The following PIGG variants were observed in gnomAD, a reference collection of about 807,000 sequenced individuals.
PIGG encodes the protein phosphatidylinositol glycan anchor biosynthesis class G (EMM blood group).
In PIGG, 70 loss-of-function variants were observed where a neutral mutation model predicts 83.2. The ratio of observed to expected loss-of-function variants is 0.84; its 90% CI spans 0.69 to 1.03. PIGG has a LOEUF of 1.03. Among genes scored for constraint, PIGG ranks in the 50% least tolerant of loss-of-function variants. The pLI is 0.00. For missense variants in PIGG, 1,257 were observed against 1,233.6 expected (o/e 1.02, Z -0.28); for synonymous variants, 532 against 519.5 (o/e 1.02, Z -0.33).
At chr4:517,007 G>A (rs1364685483) in intron 6 of PIGG, among the ~76,000 whole-genome samples, 4 of 152,106 alleles carry the variant, frequency 2.6e-5, no homozygotes, top group Admixed American at 6.5e-5. Flanking sequence ...TCCATGGGGC[G>A]CACATTCAGG....
chr4:520,617 A>G (rs1160242672), intron 6 of PIGG, among the ~76,000 whole-genome samples: 2 of 152,248 alleles, frequency 1.3e-5, no homozygotes, highest in African/African-American at 2.4e-5. Flanking sequence ...CAGTCCCCAT[A>G]CAGTGCTGTA....
rs111339373 is a variant in PIGG at position 512,288 on chromosome 4, C to T, written c.901+3318C>T. ...AGGCTGGAGTGCAGTGACACGATCT[C>T]GGCTCACTGCCACCTCCGCCTCCCG... On this transcript the variant is annotated intron_variant, in intron 5 of 12. Transcript: ENST00000453061. Among the ~76,000 whole-genome samples the T allele has an allele frequency of 3.0e-3, 431 of 145,316 alleles. 3 individuals carry two copies. Among genetic ancestry groups the T allele is most frequent in the African/African-American group, 9.3e-3 (361 of 38,888 alleles).
At chr4:529,829 C>G (rs901318522) in intron 10 of PIGG, among the ~76,000 whole-genome samples, 2 of 152,120 alleles carry the variant, frequency 1.3e-5, no homozygotes, top group African/African-American at 2.4e-5. Flanking sequence ...TTGACACGCC[C>G]GAGTAGGAGA....
At chr4:527,497 T>C in intron 10 of PIGG, 4 of 1,235,798 alleles carry the variant, frequency 3.2e-6, no homozygotes, top group Non-Finnish European at 4.0e-6. Flanking sequence ...AGTAAGATTT[T>C]TTAAATTTAA....
At chr4:527,471 AGACAAATCACTTG>A (rs1233597866) in intron 10 of PIGG, 96 of 1,276,216 alleles carry the variant, frequency 7.5e-5, no homozygotes, top group Non-Finnish European at 8.6e-5. Context: ...TACTTTTAGG[AGACAAATCACTTG>A]GAAGTAAGAT....
intron 1 of PIGG, 154 bp downstream of exon 1, chr4:499,643 G>A: frequency 2.1e-6 from 3 of 1,419,102 alleles, no homozygotes; most frequent in Non-Finnish European, 2.7e-6. Context: ...AACCGCTCCA[G>A]CGTCTCTTTT....
intron 5 of PIGG, among the ~76,000 whole-genome samples, chr4:513,187 G>A (rs1016355250): frequency 1.3e-5 from 2 of 152,236 alleles, no homozygotes; most frequent in Non-Finnish European, 2.9e-5. Flanking sequence ...AATGGTGGTA[G>A]TGGTGGTTTT....
intron 4 of PIGG, among the ~76,000 whole-genome samples, chr4:508,409 T>C (rs1720617695): frequency 6.6e-6 from 1 of 152,258 alleles, no homozygotes; most frequent in African/African-American, 2.4e-5. Context: ...AGAAGCCTGG[T>C]GGGTGCCCCC....
rs1553875294 is a variant in PIGG at position 500,601 on chromosome 4, G to C, written c.360G>C (p.Lys120Asn). 6.3e-7 allele frequency: 1 copy of C among 1,585,920 alleles called. No homozygotes were observed. The highest frequency in any genetic ancestry group is 2.2e-5 in the East Asian group (1 of 44,758). ...KPPTVTMPRIKALMTGSLPGF... is the reference protein window; with the variant it reads ...KPPTVTMPRINALMTGSLPGF... ...CTACAGTTACTATGCCTCGAATCAA[G>C]GTAAGTTTGCCTTAATGTTTTATGA... Residue 120 changes from lysine (K) to asparagine (N), a missense_variant and splice_region_variant, in exon 2 of 13, where the codon AAG becomes AAC. Coordinates refer to ENST00000453061, the MANE Select transcript of PIGG (RefSeq NM_001127178.3).
At chr4:514,572 T>G (rs189130529) in intron 5 of PIGG, among the ~76,000 whole-genome samples, 16 of 152,326 alleles carry the variant, frequency 1.1e-4, no homozygotes, top group Non-Finnish European at 1.5e-5. Flanking sequence ...GATCACTGTC[T>G]CAGAGCTACC....
chr4:534,787 C>T (rs752908879), intron 12 of PIGG, among the ~76,000 whole-genome samples: 11 of 151,966 alleles, frequency 7.2e-5, no homozygotes, highest in East Asian at 1.9e-4. Context: ...CAGATGTCCC[C>T]GGGGGATCCC....
rs782624320 is a variant in PIGG, at chr4:511,317, AG to A, written c.901+2348del. On this transcript the variant is annotated intron_variant, in intron 5 of 12. Coordinates refer to ENST00000453061, the MANE Select transcript of PIGG (RefSeq NM_001127178.3). Reference sequence around the variant, plus strand: ...TCTTTAAAAAAAAAAAAAAAAAAAAAGAAGACTTCATTTCTTTTGTTATTAA... The same window carrying A: ...TCTTTAAAAAAAAAAAAAAAAAAAAAAAGACTTCATTTCTTTTGTTATTAA... Among the ~76,000 whole-genome samples, 7 of 151,232 alleles carry A rather than the reference AG, an allele frequency of 4.6e-5. No homozygotes were observed. The East Asian group carries it at 1.2e-3, about 25-fold the overall frequency.
In PIGG at chr4:508,927, T is replaced by C; in HGVS notation, c.858T>C (p.Asn286=). ...SHGASSTEEV[N]TPLILISSAF... ...GGGCCTCCTCCACCGAGGAGGTGAA[T>C]ACACCTCTGATTTTAATCAGTTCTG... The change falls in exon 5 of 13, where the codon AAT becomes AAC. Residue 286 remains asparagine (N), a synonymous_variant. Transcript: ENST00000453061. 1 of 1,613,642 alleles carries C rather than the reference T, an allele frequency of 6.2e-7. No homozygotes were observed. Among genetic ancestry groups the C allele is most frequent in the South Asian group, 1.1e-5 (1 of 91,082 alleles).
Position 521,842 on chromosome 4 carries a change from G to T in PIGG, c.1515G>T (p.Trp505Cys). ...ESSCYFCGLS[W>C]LAAGGVMVLA... is the part of the protein sequence containing the mutation. ...CGTGCTACTTCTGTGGCCTCTCGTG[G>T]CTGGCGGCAGGTGGGGTGATGGTGC... is the stretch of plus-strand genomic sequence containing the variant. Residue 505 changes from tryptophan to cysteine, a missense_variant, in exon 8 of 13, where the codon TGG becomes TGT. By Grantham distance (215) the Trp-to-Cys change is radical. Transcript: ENST00000453061. 1 of 1,614,208 alleles carries T rather than the reference G, an allele frequency of 6.2e-7. No individual in the cohort carries two copies. Among genetic ancestry groups the T allele is most frequent in the Non-Finnish European group, 8.5e-7 (1 of 1,180,030 alleles).
At position 508,762 on chromosome 4, in the gene PIGG, G is replaced by T. The variant is rs1720816451; in HGVS notation, c.760-67G>T. On this transcript the variant is annotated intron_variant, in intron 4 of 12. Transcript: ENST00000453061. ...TAAAGTAAAGCTAAAACCGAAAATT[G>T]TCTTCTTAAGATGATGTGCTCTCTT... 4.8e-6 allele frequency: 7 copies of T among 1,468,306 alleles called. No homozygotes were observed. In the Admixed American group the frequency reaches 7.9e-5, roughly 17 times the overall value. The allele number at this position is 1,468,306 out of a possible 1,614,324, so 91.0% of individuals were successfully genotyped here.
Position 523,605 on chromosome 4 carries a change from A to G in PIGG, c.1761A>G (p.Leu587=). ...ACTTCCTTGTGAACACCCTGTGTCT[A>G]GCTCTGAGCCAAGAAACCTACAGAA... The part of the protein sequence containing the change: ...TWYFLVNTLC[L]ALSQETYRNY... Residue 587 remains leucine, a synonymous_variant, in exon 9 of 13, where the codon CTA becomes CTG. Coordinates refer to ENST00000453061, the MANE Select transcript of PIGG (RefSeq NM_001127178.3). The G allele has an allele frequency of 1.2e-6, 2 of 1,614,164 alleles. No homozygotes were observed. Among genetic ancestry groups the G allele is most frequent in the Non-Finnish European group, 1.7e-6 (2 of 1,180,022 alleles).
At chr4:529,369 C>G (rs1285114302) in intron 10 of PIGG, among the ~76,000 whole-genome samples, 3 of 152,208 alleles carry the variant, frequency 2.0e-5, no homozygotes, top group African/African-American at 7.2e-5. Context: ...GCTCCTCAGC[C>G]AGGATGTGGG....
At position 515,779 on chromosome 4, in the gene PIGG, G is replaced by A. The variant is rs1019951409; in HGVS notation, c.902-194G>A. Among the ~76,000 whole-genome samples the A allele has an allele frequency of 2.0e-5, 3 of 152,212 alleles. No individual in the cohort carries two copies. Among genetic ancestry groups the A allele is most frequent in the East Asian group, 1.9e-4 (1 of 5,198 alleles). ...TGCAGGCTACTGAAGGAAAGACACC[G>A]TCCCTGGCATAGAATGGGTTCGGTA... On this transcript the variant is annotated intron_variant, in intron 5 of 12. Coordinates refer to ENST00000453061, the MANE Select transcript of PIGG (RefSeq NM_001127178.3). The surrounding 1 kb of genome is among the most constrained non-coding windows in gnomAD (Gnocchi z 4.2).
In PIGG at chr4:527,157, G is replaced by A; in HGVS notation, c.2188G>A (p.Gly730Ser). ...GGCTGCCCTGGCGCTGGGGCTGCTG[G>A]GCGTCTACTGCTACCGGGCGGCCAT... ...SKAALALGLL[G>S]VYCYRAAIGS... The change falls in exon 10 of 13, where the codon GGC (glycine) becomes AGC (serine). Residue 730 changes from glycine (G) to serine (S), a missense_variant. Coordinates refer to ENST00000453061, the MANE Select transcript of PIGG (RefSeq NM_001127178.3). 6.2e-7 allele frequency: 1 copy of A among 1,613,952 alleles called. No homozygotes were observed. The highest frequency in any genetic ancestry group is 8.5e-7 in the Non-Finnish European group (1 of 1,179,950).
Sources: allele counts gnomAD v4.1 joint callset (sites outside exome capture counted in the v4.1 genomes callset), GRCh38; gene constraint gnomAD v4.1.1; non-coding constraint Gnocchi (gnomAD v3.1); transcripts MANE v1.5; gene names NCBI Gene and HGNC (gene_info 2026-07-23, HGNC 2026-07-21).